CLPTM1: variants seen among roughly 807,000 people sequenced by gnomAD.
CLPTM1 encodes CLPTM1 regulator of GABA type A receptor forward trafficking.
A neutral mutation model predicts 77.3 loss-of-function variants in CLPTM1; 21 were observed. That is an observed-to-expected ratio of 0.27 (90% CI 0.19 to 0.39). The LOEUF (loss-of-function observed/expected upper bound fraction) is 0.39. CLPTM1 is among the 10% of genes least tolerant of loss of function. The pLI, the probability that CLPTM1 is intolerant of heterozygous loss-of-function variation, is 1.00. For missense variants in CLPTM1, 642 were observed against 921.2 expected, an observed-to-expected ratio of 0.70 and a Z score of 3.92; for synonymous variants, 373 against 381.0, an observed-to-expected ratio of 0.98 and a Z score of 0.24.
At position 44,990,460 on chromosome 19, in the gene CLPTM1, G is replaced by C. The variant is rs770360744; in HGVS notation, c.1198G>C (p.Val400Leu). 1 of 1,614,096 alleles carries C rather than the reference G, an allele frequency of 6.2e-7. No individual in the cohort carries two copies. The highest frequency in any genetic ancestry group is 1.3e-5 in the African/African-American group (1 of 75,022). Reference protein sequence around the residue: ...GLSVRSVFFGVFQSFVVLLYI... With the variant: ...GLSVRSVFFGLFQSFVVLLYI... Reference sequence around the variant, plus strand: ...GTCCGTGCGCTCCGTCTTCTTCGGCGTTTTCCAGTCATTCGTGGTCCTCCT... The same window carrying C: ...GTCCGTGCGCTCCGTCTTCTTCGGCCTTTTCCAGTCATTCGTGGTCCTCCT... Residue 400 changes from valine (V) to leucine (L), a missense_variant, in exon 10 of 14, where the codon GTT becomes CTT. By Grantham distance (32) the Val-to-Leu change is conservative. Transcript: ENST00000337392. This position sits in a 1 kb window ranked among gnomAD's most constrained non-coding sequence, Gnocchi z 4.8.
At chr19:44,959,764 GTACTTT>G (rs1175289907) in intron 1 of CLPTM1, among the ~76,000 whole-genome samples, 1 of 152,196 alleles carries the variant, frequency 6.6e-6, no homozygotes, top group Non-Finnish European at 1.5e-5. Context: ...CGAAGTAGCT[GTACTTT>G]TACTTTCCCC....
Position 44,992,853 on chromosome 19 carries a change from C to T in CLPTM1, c.1966C>T (p.Gln656Ter). The T allele has an allele frequency of 6.2e-7, 1 of 1,613,884 alleles. No homozygotes were observed. The highest frequency in any genetic ancestry group is 8.5e-7 in the Non-Finnish European group (1 of 1,179,894). The change falls in exon 14 of 14, where the codon CAG becomes TAG. Residue 656 changes from glutamine to a stop codon, truncating the protein, a stop_gained. Transcript: ENST00000337392. LOFTEE classifies it high-confidence loss of function. The surrounding 1 kb of genome is among the most constrained non-coding windows in gnomAD (Gnocchi z 7.7). ...TQGASSASEP[Q>*]EAPPKPAEDK... ...GGGGGCCAGCTCTGCCAGCGAGCCC[C>T]AGGAAGCCCCTCCAAAGCCAGCAGA...
chr19:44,977,505 G>A, intron 5 of CLPTM1, 45 bp downstream of exon 5: 2 of 1,418,154 alleles, frequency 1.4e-6, no homozygotes, highest in Non-Finnish European at 2.0e-6. Flanking sequence ...CAGGAGGCCA[G>A]CATCCTGGGA....
upstream of CLPTM1, chr19:44,954,827 A>G: frequency 8.2e-7 from 1 of 1,216,612 alleles, no homozygotes; most frequent in Non-Finnish European, 1.1e-6. Context: ...CTCTAAAAAC[A>G]CAGAAAGGAT....
chr19:44,963,164 G>A (rs1351655280), intron 2 of CLPTM1, among the ~76,000 whole-genome samples: 5 of 134,264 alleles, frequency 3.7e-5, no homozygotes, highest in African/African-American at 1.1e-4. Flanking sequence ...AGCTGAGATC[G>A]TGCCACTGCA....
At chr19:44,973,004 T>G in intron 2 of CLPTM1, 83 bp from the exon 3 acceptor site, 1 of 1,566,758 alleles carries the variant, frequency 6.4e-7, no homozygotes, top group Non-Finnish European at 8.7e-7. Flanking sequence ...CGCCAGCATG[T>G]GCTAAGTCAG....
chr19:44,966,847 CTCTT>C (rs1970638112), intron 2 of CLPTM1, among the ~76,000 whole-genome samples: 1 of 151,776 alleles, frequency 6.6e-6, no homozygotes, highest in Admixed American at 6.6e-5. Context: ...CTCTCTCTCT[CTCTT>C]TTTTTTGGGA....
chr19:44,956,232 C>T (rs1011161001), intron 1 of CLPTM1, among the ~76,000 whole-genome samples: 6 of 152,130 alleles, frequency 3.9e-5, no homozygotes, highest in African/African-American at 1.4e-4. Flanking sequence ...GGAGGCAGCT[C>T]AGGGGAAAGG....
intron 4 of CLPTM1, among the ~76,000 whole-genome samples, chr19:44,976,526 A>G (rs1970808285): frequency 1.3e-5 from 2 of 152,186 alleles, no homozygotes; most frequent in South Asian, 2.1e-4. Context: ...AGGAGAACAC[A>G]ATGTGGCCAA....
chr19:44,962,035 G>A lies in CLPTM1; in HGVS notation c.145G>A (p.Ala49Thr). 1.2e-6 allele frequency: 2 copies of A among 1,611,674 alleles called. No individual in the cohort carries two copies. The highest frequency in any genetic ancestry group is 1.1e-5 in the South Asian group (1 of 90,700). Reference sequence around the variant, plus strand: ...GCCTCAGAACCCACCGGCCCAGCCGGCACCCAATGCCTGGCAGGTCATCAA... The same window carrying A: ...GCCTCAGAACCCACCGGCCCAGCCGACACCCAATGCCTGGCAGGTCATCAA... ...TQPQNPPAQP[A>T]PNAWQVIKGV... The change falls in exon 2 of 14, where the codon GCA (alanine) becomes ACA (threonine). Residue 49 changes from alanine (A) to threonine (T), a missense_variant. Ala to Thr is a moderately conservative substitution (Grantham distance 58). Coordinates refer to ENST00000337392, the MANE Select transcript of CLPTM1 (RefSeq NM_001294.4).
chr19:44,986,321 A>G, intron 6 of CLPTM1, 134 bp from the exon 7 acceptor site: 1 of 1,181,548 alleles, frequency 8.5e-7, no homozygotes, highest in Non-Finnish European at 1.2e-6. Flanking sequence ...CAGCATAGTG[A>G]GACCCCATCT....
chr19:44,987,844 C>G (rs558168526), intron 8 of CLPTM1: 2 of 588,242 alleles, frequency 3.4e-6, no homozygotes, highest in African/African-American at 3.7e-5. Flanking sequence ...TTCACCCACT[C>G]CCCGCAGCAC....
At chr19:44,972,973 G>A (rs1970745245) in intron 2 of CLPTM1, 114 bp from the exon 3 acceptor site, 4 of 1,433,778 alleles carry the variant, frequency 2.8e-6, no homozygotes, top group Non-Finnish European at 3.8e-6. Context: ...TCCCTGACTT[G>A]GTCACTAGCC....
At chr19:44,987,070 C>T (rs1970989998) in intron 7 of CLPTM1, 109 bp from the exon 8 acceptor site, 1 of 1,394,548 alleles carries the variant, frequency 7.2e-7, no homozygotes, top group Non-Finnish European at 9.7e-7. Context: ...GTCCCCTGTC[C>T]TCCAGTCTCT....
At chr19:44,988,872 A>C (rs927199811) in intron 9 of CLPTM1, among the ~76,000 whole-genome samples, 3 of 152,206 alleles carry the variant, frequency 2.0e-5, no homozygotes, top group African/African-American at 7.2e-5. Flanking sequence ...AATGAGTAGT[A>C]GTATTCCTGG....
chr19:44,961,620 A>G (rs999841076), intron 1 of CLPTM1, among the ~76,000 whole-genome samples: 4 of 152,052 alleles, frequency 2.6e-5, no homozygotes, highest in Non-Finnish European at 4.4e-5. Context: ...CCCGAACCCT[A>G]GACTGGACCA....
At position 44,992,175 on chromosome 19, in the gene CLPTM1, G is replaced by A; in HGVS notation, c.1556-58G>A. ...AGGGGGCTGGTATGGCCAGTGCAGAGTGCACAGGGGAGAGGTGGGAGAGGC... is the reference window on the plus strand; with the variant it reads ...AGGGGGCTGGTATGGCCAGTGCAGAATGCACAGGGGAGAGGTGGGAGAGGC... On this transcript the variant is annotated intron_variant, in intron 12 of 13. Transcript: ENST00000337392. The surrounding 1 kb of genome is among the most constrained non-coding windows in gnomAD (Gnocchi z 7.7). 1.3e-6 allele frequency: 2 copies of A among 1,577,142 alleles called. No individual in the cohort carries two copies. Among genetic ancestry groups the A allele is most frequent in the Non-Finnish European group, 8.7e-7 (1 of 1,149,862 alleles).
intron 1 of CLPTM1, among the ~76,000 whole-genome samples, chr19:44,956,847 A>T (rs1251350705): frequency 1.3e-5 from 2 of 152,166 alleles, no homozygotes; most frequent in Non-Finnish European, 2.9e-5. Flanking sequence ...CAAAGTACAA[A>T]TTCTTTAATA....
At chr19:44,978,804 T>A (rs1301507432) in intron 5 of CLPTM1, among the ~76,000 whole-genome samples, 1 of 150,272 alleles carries the variant, frequency 6.7e-6, no homozygotes, top group East Asian at 2.0e-4. Flanking sequence ...CATTGGGGAT[T>A]AAGTTTCACT....
Sources: allele counts gnomAD v4.1 joint callset (sites outside exome capture counted in the v4.1 genomes callset), GRCh38; gene constraint gnomAD v4.1.1; non-coding constraint Gnocchi (gnomAD v3.1); transcripts MANE v1.5; gene names NCBI Gene and HGNC (gene_info 2026-07-23, HGNC 2026-07-21).